XPR1: variants seen among roughly 807,000 people sequenced by gnomAD.
XPR1 encodes xenotropic and polytropic retrovirus receptor 1.
XPR1 carries 28 observed loss-of-function variants against 87.5 expected under a neutral mutation model. The ratio of observed to expected loss-of-function variants is 0.32; its 90% CI spans 0.24 to 0.44. XPR1 has a LOEUF of 0.44. Ranked by LOEUF, XPR1 falls within the 20% of genes least tolerant of loss-of-function variation. XPR1 has a pLI of 1.00. For synonymous variants in XPR1, 300 were observed against 306.1 expected (o/e 0.98, Z 0.21); for missense variants, 559 against 862.3 (o/e 0.65, Z 4.41).
At chr1:180,852,060 C>T (rs967879014) in intron 11 of XPR1, among the ~76,000 whole-genome samples, 18 of 150,890 alleles carry the variant, frequency 1.2e-4, no homozygotes, top group Admixed American at 2.0e-4. Context: ...TTGGAGCTCA[C>T]GGTTTGGTAA....
At chr1:180,772,744 T>G (rs866772804) in intron 2 of XPR1, among the ~76,000 whole-genome samples, 12 of 152,362 alleles carry the variant, frequency 7.9e-5, no homozygotes, top group Non-Finnish European at 1.6e-4. Flanking sequence ...CCGCGTAAGA[T>G]GTGACTTGCT....
At chr1:180,853,225 C>T (rs147584994) in intron 11 of XPR1, among the ~76,000 whole-genome samples, 114 of 152,258 alleles carry the variant, frequency 7.5e-4, no homozygotes, top group Non-Finnish European at 1.4e-3. Flanking sequence ...ACTGCCACTG[C>T]GCCTGGCTTC....
chr1:180,825,780 G>A (rs958189734), intron 9 of XPR1, among the ~76,000 whole-genome samples: 6 of 152,208 alleles, frequency 3.9e-5, no homozygotes, highest in East Asian at 1.9e-4. Context: ...GCTGGGCGCG[G>A]TGGCTCACGC....
Position 180,806,151 on chromosome 1 carries a change from C to A in XPR1, c.537C>A (p.His179Gln). 2 of 1,613,616 alleles carry A rather than the reference C, an allele frequency of 1.2e-6. No individual in the cohort carries two copies. The highest frequency in any genetic ancestry group is 1.7e-4 in the Middle Eastern group (1 of 6,058). Residue 179 changes from histidine (H) to glutamine (Q), a missense_variant, in exon 5 of 15, where the codon CAC becomes CAA. Coordinates refer to ENST00000367590, the MANE Select transcript of XPR1 (RefSeq NM_004736.4). ...TSRGADWRVAHVEVAPFYTCK... is the reference protein window; with the variant it reads ...TSRGADWRVAQVEVAPFYTCK... ...GTGGAGCAGATTGGCGAGTGGCTCA[C>A]GTAGAGGTGGCCCCATTTTATACAT... is the stretch of plus-strand genomic sequence containing the variant.
At chr1:180,637,644 C>G (rs754389579) in intron 1 of XPR1, among the ~76,000 whole-genome samples, 2 of 152,182 alleles carry the variant, frequency 1.3e-5, no homozygotes. Context: ...ACCTCCGTCT[C>G]CCAGGTTCAA....
In XPR1 at chr1:180,728,422, G is replaced by C. The variant is rs551328142; in HGVS notation, c.121+46011G>C. Among the ~76,000 whole-genome samples the C allele has an allele frequency of 7.2e-5, 11 of 152,106 alleles. No individual in the cohort carries two copies. The South Asian group carries it at 2.3e-3, about 32-fold the overall frequency. ...GAAAGGAAAATGCAATTACTTAGAGGAACTGCCGGAAACAAGATCATAGGT... is the reference window on the plus strand; with the variant it reads ...GAAAGGAAAATGCAATTACTTAGAGCAACTGCCGGAAACAAGATCATAGGT... On this transcript the variant is annotated intron_variant, in intron 2 of 14. Coordinates refer to ENST00000367590, the MANE Select transcript of XPR1 (RefSeq NM_004736.4).
At chr1:180,813,104 TTAAAA>T (rs1650284439) in intron 7 of XPR1, among the ~76,000 whole-genome samples, 1 of 146,810 alleles carries the variant, frequency 6.8e-6, no homozygotes, top group African/African-American at 2.5e-5. Context: ...ATGGCTACTC[TTAAAA>T]TAAAATCCAA....
intron 1 of XPR1, among the ~76,000 whole-genome samples, chr1:180,655,807 A>G (rs1227384913): frequency 6.6e-6 from 1 of 151,758 alleles, no homozygotes; most frequent in Non-Finnish European, 1.5e-5. Context: ...ACTGAGTACC[A>G]TCTTTTTTTA....
chr1:180,709,888 GT>G (rs34386449), intron 2 of XPR1, among the ~76,000 whole-genome samples: 48,121 of 142,236 alleles, frequency 0.34, 8,115 homozygotes, highest in East Asian at 0.41. Context: ...AGTTTTGAGG[GT>G]TTTTTTTTTT....
At chr1:180,792,050 G>A (rs1219749233) in intron 3 of XPR1, among the ~76,000 whole-genome samples, 1 of 152,192 alleles carries the variant, frequency 6.6e-6, no homozygotes, top group African/African-American at 2.4e-5. Flanking sequence ...GTAATACGAA[G>A]AAATGATTCA....
At chr1:180,843,277 T>TTAAC (rs1193271733) in intron 11 of XPR1, among the ~76,000 whole-genome samples, 1 of 144,284 alleles carries the variant, frequency 6.9e-6, no homozygotes, top group African/African-American at 2.5e-5. Flanking sequence ...TTTTGTTTCA[T>TTAAC]TAACTTTAAA....
chr1:180,788,932 C>G (rs189450126), intron 3 of XPR1, among the ~76,000 whole-genome samples: 121 of 152,268 alleles, frequency 7.9e-4, no homozygotes, highest in African/African-American at 2.8e-3. Flanking sequence ...CTTCTGGAAG[C>G]ATCTTACTCA....
At chr1:180,876,505 G>A (rs374136475) in intron 13 of XPR1, among the ~76,000 whole-genome samples, 2 of 152,038 alleles carry the variant, frequency 1.3e-5, no homozygotes, top group South Asian at 2.1e-4. Flanking sequence ...GAGTAGTGGC[G>A]CATGCCTGTA....
Position 180,880,056 on chromosome 1 carries a change from A to G in XPR1, c.1809-20A>G. 3.1e-6 allele frequency: 5 copies of G among 1,613,686 alleles called. No homozygotes were observed. The highest frequency in any genetic ancestry group is 4.2e-6 in the Non-Finnish European group (5 of 1,179,626). ...ATGTTACAATTTCATAAGTACTTTG[A>G]TCTACCCCATTTTGCTAAGGCGATT... On this transcript the variant is annotated intron_variant, in intron 13 of 14. Transcript: ENST00000367590.
At chr1:180,821,842 C>T (rs1314272582) in intron 7 of XPR1, among the ~76,000 whole-genome samples, 1 of 151,980 alleles carries the variant, frequency 6.6e-6, no homozygotes, top group African/African-American at 2.4e-5. Flanking sequence ...TGCTCATTGC[C>T]GATGTATGCA....
rs887115214 is a variant in XPR1, at chr1:180,695,944, A to AT, written c.121+13542dup. ...TTTGTGGTTCCATGCAAATTTTGGG[A>AT]TTTTTTTTTCTATTTCTGTGAAGAA... On this transcript the variant is annotated intron_variant, in intron 2 of 14. Transcript: ENST00000367590. Among the ~76,000 whole-genome samples the AT allele has an allele frequency of 1.7e-3, 253 of 148,800 alleles. 1 individual carries two copies. The highest frequency in any genetic ancestry group is 4.5e-3 in the African/African-American group (181 of 40,568).
chr1:180,710,603 C>A (rs954805063), intron 2 of XPR1, among the ~76,000 whole-genome samples: 16 of 152,238 alleles, frequency 1.1e-4, no homozygotes, highest in Non-Finnish European at 2.2e-4. Flanking sequence ...CCACTTCTTT[C>A]TACACAGACA....
At chr1:180,843,683 TAAAGA>T (rs555631905) in intron 11 of XPR1, among the ~76,000 whole-genome samples, 76 of 150,750 alleles carry the variant, frequency 5.0e-4, no homozygotes, top group African/African-American at 1.7e-3. Context: ...CTTTGTTACT[TAAAGA>T]AAAGTCTTTA....
chr1:180,831,761 G>A (rs939558373), intron 9 of XPR1, among the ~76,000 whole-genome samples: 4 of 152,078 alleles, frequency 2.6e-5, no homozygotes, highest in African/African-American at 9.7e-5. Flanking sequence ...ATTCCATGGT[G>A]TATATGTGCC....
Sources: gnomAD v4.1 joint callset for allele counts (sites outside exome capture counted in the v4.1 genomes callset) on GRCh38, gnomAD v4.1.1 for gene constraint, MANE v1.5 for transcripts, NCBI Gene and HGNC (gene_info 2026-07-23, HGNC 2026-07-21) for gene names.